AOPEP: variants seen among roughly 807,000 people sequenced by gnomAD.
AOPEP encodes the protein aminopeptidase O (putative).
A neutral mutation model predicts 98.1 loss-of-function variants in AOPEP; 77 were observed. That is an observed-to-expected ratio of 0.78 (90% CI 0.65 to 0.95). The LOEUF is 0.95. Among genes scored for constraint, AOPEP ranks in the 40% least tolerant of loss-of-function variants. The pLI, the probability that AOPEP is intolerant of heterozygous loss-of-function variation, is 0.00. For synonymous variants in AOPEP, 346 were observed against 365.3 expected (o/e 0.95, Z 0.60); for missense variants, 1,024 against 1,024.7 (o/e 1.00, Z 0.01).
intron 6 of AOPEP, among the ~76,000 whole-genome samples, chr9:94,926,766 C>G (rs1191334943): frequency 1.3e-5 from 2 of 149,392 alleles, no homozygotes; most frequent in Non-Finnish European, 3.0e-5. Flanking sequence ...AGACTGTGCT[C>G]TGCAGCACTG....
chr9:94,983,690 G>A lies in AOPEP; in HGVS notation c.1977+4263G>A, dbSNP rs114607067. Among the ~76,000 whole-genome samples, 668 of 152,214 alleles carry A rather than the reference G, an allele frequency of 4.4e-3. 3 individuals carry two copies. Among genetic ancestry groups the A allele is most frequent in the African/African-American group, 0.015 (629 of 41,530 alleles). ...TTCCTGGCATTCTGGAGATTCGCCC[G>A]CTCACGACTGTCGGTGCACAGGTAT... On this transcript the variant is annotated intron_variant, in intron 11 of 16. Coordinates refer to ENST00000375315, the MANE Select transcript of AOPEP (RefSeq NM_001193329.3).
chr9:95,044,631 G>A (rs2065672339), intron 13 of AOPEP, among the ~76,000 whole-genome samples: 1 of 152,214 alleles, frequency 6.6e-6, no homozygotes, highest in Admixed American at 6.5e-5. Context: ...GGCATTCCAG[G>A]CAGAGGGCTG....
intron 5 of AOPEP, among the ~76,000 whole-genome samples, chr9:94,831,860 A>C (rs1007206673): frequency 6.6e-6 from 1 of 152,116 alleles, no homozygotes; most frequent in Non-Finnish European, 1.5e-5. Flanking sequence ...ACCACTGCTC[A>C]AGGAAATCAG....
chr9:94,811,914 G>A (rs566489507), intron 5 of AOPEP, among the ~76,000 whole-genome samples: 2 of 152,194 alleles, frequency 1.3e-5, no homozygotes, highest in African/African-American at 2.4e-5. Context: ...TGGCAAGTTG[G>A]GGTGAGGAGA....
intron 5 of AOPEP, among the ~76,000 whole-genome samples, chr9:94,841,087 G>A (rs1207239542): frequency 6.6e-6 from 1 of 151,388 alleles, no homozygotes; most frequent in East Asian, 1.9e-4. Context: ...TTAGCTTATT[G>A]ATTTGAGACC....
At position 94,928,542 on chromosome 9, in the gene AOPEP, A is replaced by T. The variant is rs962158033; in HGVS notation, c.1661+11A>T. ...GATGCAGGTGTTAAGGTAAAGCTGCATGGTGATCCACAGCCCTCTCATTCC... is the reference window on the plus strand; with the variant it reads ...GATGCAGGTGTTAAGGTAAAGCTGCTTGGTGATCCACAGCCCTCTCATTCC... On this transcript the variant is annotated intron_variant, in intron 7 of 16. Transcript: ENST00000375315. 1.3e-6 allele frequency: 2 copies of T among 1,535,852 alleles called. No individual in the cohort carries two copies. The highest frequency in any genetic ancestry group is 1.4e-5 in the African/African-American group (1 of 72,724).
intron 14 of AOPEP, among the ~76,000 whole-genome samples, chr9:95,078,514 C>T (rs116243232): frequency 0.012 from 1,826 of 152,330 alleles, 40 homozygotes; most frequent in African/African-American, 0.041. Context: ...TAGAAACCGA[C>T]AGGTCTCACG....
intron 9 of AOPEP, among the ~76,000 whole-genome samples, chr9:94,957,834 G>A (rs1427432998): frequency 2.6e-5 from 4 of 151,936 alleles, no homozygotes; most frequent in East Asian, 3.9e-4. Flanking sequence ...CTTTATTAAC[G>A]TAATGTTTTC....
rs375742292 is a variant in AOPEP, at chr9:94,915,914, T to G, written c.1365-8072T>G. Among the ~76,000 whole-genome samples, 131 of 152,316 alleles carry G rather than the reference T, an allele frequency of 8.6e-4. 1 individual carries two copies. In the South Asian group the frequency reaches 0.027, roughly 31 times the overall value. On this transcript the variant is annotated intron_variant, in intron 5 of 16. Coordinates refer to ENST00000375315, the MANE Select transcript of AOPEP (RefSeq NM_001193329.3). ...GACAAGGAACATGGGAAGATTTGAT[T>G]TGTGGACCCAAAGAGTGTATTTCAA...
intron 11 of AOPEP, among the ~76,000 whole-genome samples, chr9:94,993,464 TGAGA>T (rs1397162573): frequency 6.6e-6 from 1 of 152,172 alleles, no homozygotes; most frequent in Non-Finnish European, 1.5e-5. Context: ...GAAATGTGTG[TGAGA>T]AATTGCTACA....
At chr9:95,123,271 T>A in the AOPEP span, 1 of 282,182 alleles carries the variant, frequency 3.5e-6, no homozygotes, top group Admixed American at 5.0e-5. Flanking sequence ...ACCACTGCAC[T>A]CCAGCCTTGG....
At chr9:95,023,002 C>G (rs1487631862) in intron 13 of AOPEP, among the ~76,000 whole-genome samples, 1 of 152,180 alleles carries the variant, frequency 6.6e-6, no homozygotes. Flanking sequence ...ATCAGACAAA[C>G]TGATTGAAAT....
intron 1 of AOPEP, among the ~76,000 whole-genome samples, chr9:94,752,765 A>C (rs189083571): frequency 2.0e-5 from 3 of 152,288 alleles, no homozygotes; most frequent in Admixed American, 2.0e-4. Flanking sequence ...CCCCCATCAA[A>C]AGATGGAGTC....
In AOPEP at chr9:94,980,111, C is replaced by T. The variant is rs1433492431; in HGVS notation, c.1977+684C>T. Among the ~76,000 whole-genome samples the T allele has an allele frequency of 6.6e-6, 1 of 152,210 alleles. No individual in the cohort carries two copies. The highest frequency in any genetic ancestry group is 1.5e-5 in the Non-Finnish European group (1 of 68,032). ...CCAGCCCTAGCTCTGTGGAAATCAC[C>T]TGGCCTGGAGCTCCTCTCCCCGTCC... On this transcript the variant is annotated intron_variant, in intron 11 of 16. Coordinates refer to ENST00000375315, the MANE Select transcript of AOPEP (RefSeq NM_001193329.3). The surrounding 1 kb of genome is among the most constrained non-coding windows in gnomAD (Gnocchi z 4.3).
intron 5 of AOPEP, among the ~76,000 whole-genome samples, chr9:94,870,238 C>T (rs899698014): frequency 1.3e-5 from 2 of 152,128 alleles, no homozygotes; most frequent in Non-Finnish European, 1.5e-5. Context: ...GATCTGCCCG[C>T]CTCCGCCTCC....
At chr9:94,903,052 CT>C (rs2050633405) in intron 5 of AOPEP, among the ~76,000 whole-genome samples, 1 of 150,644 alleles carries the variant, frequency 6.6e-6, no homozygotes, top group Non-Finnish European at 1.5e-5. Context: ...CCGATCTTGG[CT>C]CATTGTAACC....
chr9:94,978,769 A>G (rs2060001705), intron 10 of AOPEP, among the ~76,000 whole-genome samples: 1 of 152,210 alleles, frequency 6.6e-6, no homozygotes, highest in Non-Finnish European at 1.5e-5. Context: ...TCAGCGGGGC[A>G]TGAAAGCAAA....
At chr9:95,049,192 A>T (rs2066125967) in intron 13 of AOPEP, 1 of 152,198 alleles carries the variant, frequency 6.6e-6, no homozygotes, top group Non-Finnish European at 1.5e-5. Flanking sequence ...CTTTTTGAGG[A>T]TCTGTGCTCA....
intron 13 of AOPEP, among the ~76,000 whole-genome samples, chr9:95,052,491 T>C (rs973043876): frequency 6.6e-6 from 1 of 152,240 alleles, no homozygotes; most frequent in Non-Finnish European, 1.5e-5. Context: ...AAAAACCATA[T>C]TATCACACTG....
Sources: allele counts gnomAD v4.1 joint callset (sites outside exome capture counted in the v4.1 genomes callset), GRCh38; gene constraint gnomAD v4.1.1; non-coding constraint Gnocchi (gnomAD v3.1); transcripts MANE v1.5; gene names NCBI Gene and HGNC (gene_info 2026-07-23, HGNC 2026-07-21).